Variants in ACSM4 observed in about 807,000 individuals in gnomAD.
The protein encoded by ACSM4 is acyl-coenzyme A synthetase ACSM4, mitochondrial.
In ACSM4, 66 loss-of-function variants were observed where a neutral mutation model predicts 73.0. The observed-to-expected ratio is 0.90, with a 90% CI of 0.74 to 1.11. ACSM4 has a LOEUF of 1.11. Among genes scored for constraint, ACSM4 ranks in the 50% least tolerant of loss-of-function variants. The probability of loss-of-function intolerance (pLI) is 0.00; values close to 1 mark genes in which losing one functional copy is unlikely to be tolerated. For missense variants in ACSM4, 645 were observed against 714.4 expected, an observed-to-expected ratio of 0.90 and a Z score of 1.11; for synonymous variants, 222 against 254.0, an observed-to-expected ratio of 0.87 and a Z score of 1.20.
At chr12:7,305,501 T>G (rs1385228770) in intron 1 of ACSM4, among the ~76,000 whole-genome samples, 1 of 152,206 alleles carries the variant, frequency 6.6e-6, no homozygotes, top group Non-Finnish European at 1.5e-5. Flanking sequence ...CTGACCTATA[T>G]TATTTCACCA....
At chr12:7,324,659 C>T (rs1946490625) in intron 11 of ACSM4, 61 bp downstream of exon 11, 2 of 1,552,410 alleles carry the variant, frequency 1.3e-6, no homozygotes, top group Admixed American at 1.7e-5. Flanking sequence ...TCCATTTGAC[C>T]ACTGTAAAGG....
At position 7,328,366 on chromosome 12, in the gene ACSM4, G is replaced by C. The variant is rs1325522900; in HGVS notation, c.1736G>C (p.Gly579Ala). ...RNVLRDQEWR[G>A]R Reference sequence around the variant, plus strand: ...GTTTTAAGAGACCAAGAATGGAGAGGAAGATAGTTTGATAACAAAGCTGAA... The same window carrying C: ...GTTTTAAGAGACCAAGAATGGAGAGCAAGATAGTTTGATAACAAAGCTGAA... The change falls in exon 13 of 13, where the codon GGA becomes GCA. Residue 579 changes from glycine (G) to alanine (A), a missense_variant. Coordinates refer to ENST00000399422, the MANE Select transcript of ACSM4 (RefSeq NM_001080454.2). 1 of 1,586,432 alleles carries C rather than the reference G, an allele frequency of 6.3e-7. No homozygotes were observed.
chr12:7,327,854 G>A lies in ACSM4; in HGVS notation c.1657-433G>A, dbSNP rs932191957. On this transcript the variant is annotated intron_variant, in intron 12 of 12. Coordinates refer to ENST00000399422, the MANE Select transcript of ACSM4 (RefSeq NM_001080454.2). Reference sequence around the variant, plus strand: ...AGAGAACAAAAAGAGGATTTTTGTGGTCAAGTCAGGGCAGAAGGGAAAACT... The same window carrying A: ...AGAGAACAAAAAGAGGATTTTTGTGATCAAGTCAGGGCAGAAGGGAAAACT... Among the ~76,000 whole-genome samples the A allele has an allele frequency of 3.3e-5, 5 of 152,068 alleles. No individual in the cohort carries two copies. In the South Asian group the frequency reaches 1.0e-3, roughly 32 times the overall value.
intron 3 of ACSM4, among the ~76,000 whole-genome samples, chr12:7,312,061 A>G (rs1946394099): frequency 6.6e-6 from 1 of 152,248 alleles, no homozygotes; most frequent in Non-Finnish European, 1.5e-5. Flanking sequence ...ATGTAACAAC[A>G]GCAGAGTGGA....
rs1946481156 is a variant in ACSM4, at chr12:7,323,577, T to C, written c.1308+17T>C. ...AAATATGTGGTATGAGGATAGAAAG[T>C]GCTGGTCATGCTTAATACAGACTTG... On this transcript the variant is annotated intron_variant, in intron 9 of 12. Transcript: ENST00000399422. 3 of 1,597,932 alleles carry C rather than the reference T, an allele frequency of 1.9e-6. No individual in the cohort carries two copies. The highest frequency in any genetic ancestry group is 2.6e-6 in the Non-Finnish European group (3 of 1,165,614).
chr12:7,317,954 CT>C, intron 4 of ACSM4, 71 bp from the exon 5 acceptor site: 1 of 1,529,918 alleles, frequency 6.5e-7, no homozygotes, highest in Non-Finnish European at 8.9e-7. Flanking sequence ...AAAGTCACCC[CT>C]GAAAGATACC....
intron 1 of ACSM4, among the ~76,000 whole-genome samples, chr12:7,305,818 A>C (rs1203940163): frequency 2.0e-5 from 3 of 152,232 alleles, no homozygotes; most frequent in Non-Finnish European, 4.4e-5. Flanking sequence ...AAGATAAAAG[A>C]AGCATTCCAG....
rs1433288599 is a variant in ACSM4, at chr12:7,328,453, C to G, written c.*80C>G. On this transcript the variant is annotated 3_prime_UTR_variant, in exon 13 of 13. Transcript: ENST00000399422. ...TTGTTCCGATAATTCAGCGACTACT[C>G]TCTTAAAATGTTTAAGATCTTTCCT... 1.3e-5 allele frequency: 14 copies of G among 1,105,766 alleles called. No homozygotes were observed. The highest frequency in any genetic ancestry group is 1.6e-5 in the African/African-American group (1 of 61,006). 68.5% of individuals were successfully genotyped at this position (1,105,766 alleles called of 1,614,324 possible). A position where few individuals can be genotyped will look rare whatever the true frequency, so the allele number is the denominator to read the frequency against.
rs1276975948 is a variant in ACSM4 at position 7,310,594 on chromosome 12, G to T, written c.468G>T (p.Arg156=). 6.2e-7 allele frequency: 1 copy of T among 1,612,520 alleles called. No individual in the cohort carries two copies. Among genetic ancestry groups the T allele is most frequent in the Non-Finnish European group, 8.5e-7 (1 of 1,179,456 alleles). ...TGACAGCAAAAGACATCCTCTACCG[G>T]CTGCGAGCATCCAAGGCCAAGTGCA... ...IQLTAKDILY[R]LRASKAKCIV... The change falls in exon 3 of 13, where the codon CGG becomes CGT. Residue 156 remains arginine, a synonymous_variant. Coordinates refer to ENST00000399422, the MANE Select transcript of ACSM4 (RefSeq NM_001080454.2).
At chr12:7,310,794 T>G (rs1180795882) in intron 3 of ACSM4, 48 bp downstream of exon 3, 1 of 1,546,804 alleles carries the variant, frequency 6.5e-7, no homozygotes. Context: ...CAACACAAAT[T>G]ATAGCTATAT....
chr12:7,327,184 T>G (rs1946513826), intron 12 of ACSM4, 89 bp downstream of exon 12: 2 of 1,386,542 alleles, frequency 1.4e-6, no homozygotes, highest in African/African-American at 2.9e-5. Context: ...GATTTTATAG[T>G]AGCTCATTAT....
chr12:7,310,802 T>G, intron 3 of ACSM4, 56 bp downstream of exon 3: 13 of 1,499,808 alleles, frequency 8.7e-6, no homozygotes, highest in African/African-American at 4.1e-5. Flanking sequence ...ATTATAGCTA[T>G]ATCTTGGAAT....
intron 3 of ACSM4, among the ~76,000 whole-genome samples, chr12:7,315,421 G>A (rs1346535689): frequency 2.0e-5 from 3 of 151,774 alleles, no homozygotes; most frequent in African/African-American, 7.3e-5. Flanking sequence ...GACCAGCCTC[G>A]CCAACATGGT....
intron 6 of ACSM4, among the ~76,000 whole-genome samples, chr12:7,321,564 C>G (rs774226022): frequency 6.6e-6 from 1 of 152,338 alleles, no homozygotes; most frequent in South Asian, 2.1e-4. Flanking sequence ...TTTGAAACAT[C>G]AGCATCTTGT....
At chr12:7,313,239 G>A (rs6487838) in intron 3 of ACSM4, among the ~76,000 whole-genome samples, 4,955 of 152,140 alleles carry the variant, frequency 0.033, 283 homozygotes, top group African/African-American at 0.11. Flanking sequence ...AATTTACAAC[G>A]GATAAAGGAC....
chr12:7,324,434 T>C (rs1407799488), intron 10 of ACSM4, 34 bp downstream of exon 10: 5 of 1,613,910 alleles, frequency 3.1e-6, no homozygotes. Context: ...GAGGTAACAA[T>C]TCGACAGGGA....
intron 2 of ACSM4, among the ~76,000 whole-genome samples, chr12:7,307,610 T>A (rs2136328419): frequency 6.6e-6 from 1 of 152,380 alleles, no homozygotes; most frequent in African/African-American, 2.4e-5. Context: ...CCCCAAGTAG[T>A]AATTTATAAT....
rs368436489 is a variant in ACSM4 at position 7,320,748 on chromosome 12, G to A, written c.945G>A (p.Thr315=). 9.3e-6 allele frequency: 15 copies of A among 1,613,470 alleles called. No homozygotes were observed. The highest frequency in any genetic ancestry group is 2.7e-5 in the African/African-American group (2 of 74,824). Residue 315 remains threonine, a synonymous_variant, in exon 6 of 13, where the codon ACG becomes ACA. Transcript: ENST00000399422. ...FLDTLTTYPI[T]TLCSPPTVYR... ...AGACACTTACTACTTATCCCATCAC[G>A]ACCCTGTGCAGTCCTCCCACTGTGT...
At chr12:7,317,082 A>G (rs992216170) in intron 3 of ACSM4, 55 bp from the exon 4 acceptor site, 24 of 1,559,804 alleles carry the variant, frequency 1.5e-5, no homozygotes, top group Non-Finnish European at 1.9e-5. Context: ...AGGAAATATC[A>G]GAGTCAAACT....
Sources: allele counts gnomAD v4.1 joint callset (sites outside exome capture counted in the v4.1 genomes callset), GRCh38; gene constraint gnomAD v4.1.1; transcripts MANE v1.5; gene names NCBI Gene and HGNC (gene_info 2026-07-23, HGNC 2026-07-21).